The following TCF20 variants were observed in gnomAD, a reference collection of about 807,000 sequenced individuals.
TCF20 encodes SPRE-binding protein.
Under a neutral mutation model 148.6 loss-of-function variants are expected in TCF20, and 3 were observed. That is an observed-to-expected ratio of 0.02 (90% confidence interval 0.01 to 0.05). The LOEUF (loss-of-function observed/expected upper bound fraction) is 0.05, where lower values mean the gene tolerates loss of function less well. Among genes scored for constraint, TCF20 ranks in the 10% least tolerant of loss-of-function variants. The pLI, the probability that TCF20 is intolerant of heterozygous loss-of-function variation, is 1.00. For missense variants in TCF20, 2,350 were observed against 2,429.3 expected (o/e 0.97, Z 0.69); for synonymous variants, 1,049 against 909.5 (o/e 1.15, Z -2.76).
intron 1 of TCF20, among the ~76,000 whole-genome samples, chr22:42,260,069 G>A (rs1925946811): frequency 6.6e-6 from 1 of 152,214 alleles, no homozygotes. Flanking sequence ...GACAGGGAGG[G>A]TCAGAGAAAA....
chr22:42,285,504 C>A (rs1927012283), upstream of TCF20, among the ~76,000 whole-genome samples: 1 of 152,154 alleles, frequency 6.6e-6, no homozygotes, highest in African/African-American at 2.4e-5. The surrounding 1 kb of genome is among the most constrained non-coding windows in gnomAD (Gnocchi z 4.2). Context: ...GGTACAGAAT[C>A]CACAGGAGGC....
At chr22:42,215,781 T>C (rs1240625667) in intron 1 of TCF20, among the ~76,000 whole-genome samples, 12 of 152,110 alleles carry the variant, frequency 7.9e-5, no homozygotes, top group Admixed American at 7.2e-4. Context: ...TTGAATTTCA[T>C]CTTTTATATT....
chr22:42,310,630 T>TACAGAGGAGAGGACTGGCGTG (rs1927518034), intron 1 of TCF20, among the ~76,000 whole-genome samples: 2 of 152,076 alleles, frequency 1.3e-5, no homozygotes, highest in African/African-American at 4.8e-5. Flanking sequence ...ATGGCTGGAA[T>TACAGAGGAGAGGACTGGCGTG]ACAGTGGAGA....
chr22:42,233,232 A>G (rs1193408055), intron 1 of TCF20, among the ~76,000 whole-genome samples: 2 of 152,278 alleles, frequency 1.3e-5, no homozygotes, highest in Admixed American at 6.5e-5. Context: ...GCAATGCAAT[A>G]TATTATAGTC....
chr22:42,259,829 TA>T (rs1041951487), intron 1 of TCF20, among the ~76,000 whole-genome samples: 8 of 152,142 alleles, frequency 5.3e-5, no homozygotes, highest in African/African-American at 1.7e-4. Context: ...AAAAGGGAGA[TA>T]AACAAAAGGA....
rs182356045 is a variant in TCF20 at position 42,222,814 on chromosome 22, A to G, written c.-36-7473T>C. 1.2e-3 allele frequency among the ~76,000 whole-genome samples: 186 copies of G among 152,314 alleles called. 1 individual carries two copies. Among genetic ancestry groups the G allele is most frequent in the Non-Finnish European group, 2.1e-3 (141 of 68,024 alleles). ...TGCTTAGTAAAAACAAACCAATTAAAGTATTTACCTTTAACCAGTATCTAA... is the reference window on the plus strand; with the variant it reads ...TGCTTAGTAAAAACAAACCAATTAAGGTATTTACCTTTAACCAGTATCTAA... On this transcript the variant is annotated intron_variant, in intron 1 of 5. Transcript: ENST00000677622.
chr22:42,231,746 G>A lies in TCF20; in HGVS notation c.-36-16405C>T, dbSNP rs574711049. Among the ~76,000 whole-genome samples, 61 of 151,934 alleles carry A rather than the reference G, an allele frequency of 4.0e-4. No individual in the cohort carries two copies. In the South Asian group the frequency reaches 0.012, roughly 31 times the overall value. On this transcript the variant is annotated intron_variant, in intron 1 of 5. Transcript: ENST00000677622. ...AGATCAAGACCATCCTGGCTAATAC[G>A]GTGAAACCCCGTCTCTACTAAAAAT... is the stretch of plus-strand genomic sequence containing the variant.
intron 1 of TCF20, among the ~76,000 whole-genome samples, chr22:42,231,178 T>C (rs1000608408): frequency 4.6e-5 from 7 of 151,480 alleles, no homozygotes; most frequent in African/African-American, 1.7e-4. Flanking sequence ...TGATAATAAA[T>C]AGAAAAAAAA....
At chr22:42,191,884 C>A (rs1209329560) in intron 2 of TCF20, among the ~76,000 whole-genome samples, 1 of 152,162 alleles carries the variant, frequency 6.6e-6, no homozygotes, top group Non-Finnish European at 1.5e-5. Flanking sequence ...CCTGCGGCAG[C>A]CCTGTGATGA....
chr22:42,303,724 G>T (rs886924304), intron 1 of TCF20, among the ~76,000 whole-genome samples: 3 of 152,168 alleles, frequency 2.0e-5, no homozygotes, highest in Non-Finnish European at 2.9e-5. Context: ...TGGGTCTGCG[G>T]ATGGCAGGGG....
chr22:42,333,844 G>A (rs111357711), intron 1 of TCF20, among the ~76,000 whole-genome samples: 7 of 152,356 alleles, frequency 4.6e-5, no homozygotes, highest in African/African-American at 1.2e-4. Context: ...TTCCCTCTAG[G>A]AGGAGCACCG....
chr22:42,237,019 T>C (rs1198212197), intron 1 of TCF20, among the ~76,000 whole-genome samples: 2 of 152,042 alleles, frequency 1.3e-5, no homozygotes, highest in East Asian at 3.8e-4. Context: ...TGGTGGTTGC[T>C]GAAGGCTGAG....
chr22:42,343,520 C>T (rs907083689), exon 1 of TCF20: 1 of 147,620 alleles, frequency 6.8e-6, no homozygotes, highest in Non-Finnish European at 1.5e-5. Context: ...CAGGAGAGCC[C>T]GGGCAGCGGG....
chr22:42,289,044 C>T, intron 1 of TCF20, among the ~76,000 whole-genome samples: 1 of 152,202 alleles, frequency 6.6e-6, no homozygotes, highest in East Asian at 1.9e-4. Context: ...TTCAGTGCTT[C>T]CATCCAGTGA....
At chr22:42,162,847 A>G (rs765191709) in intron 5 of TCF20, among the ~76,000 whole-genome samples, 1 of 152,218 alleles carries the variant, frequency 6.6e-6, no homozygotes, top group Non-Finnish European at 1.5e-5. Context: ...ACGTACATGC[A>G]CATGCTCTTG....
intron 2 of TCF20, among the ~76,000 whole-genome samples, chr22:42,186,406 T>C (rs902164772): frequency 6.6e-6 from 1 of 152,246 alleles, no homozygotes; most frequent in Non-Finnish European, 1.5e-5. Flanking sequence ...TATGTAATTA[T>C]TAGAACTTTT....
chr22:42,183,306 T>C (rs1936870117), intron 2 of TCF20, among the ~76,000 whole-genome samples: 1 of 59,672 alleles, frequency 1.7e-5, no homozygotes, highest in African/African-American at 3.9e-5. Flanking sequence ...TGTGATCTTA[T>C]ATATACAAAA....
At chr22:42,327,285 G>C (rs1459176556) in intron 1 of TCF20, among the ~76,000 whole-genome samples, 1 of 152,216 alleles carries the variant, frequency 6.6e-6, no homozygotes, top group Non-Finnish European at 1.5e-5. Context: ...CAGGTGGGGA[G>C]AGGCCTCATG....
intron 1 of TCF20, among the ~76,000 whole-genome samples, chr22:42,324,507 C>A (rs1381152616): frequency 1.3e-5 from 2 of 152,012 alleles, no homozygotes; most frequent in African/African-American, 4.8e-5. Flanking sequence ...ATAATCTCCA[C>A]CATCCGATAA....
Sources: allele counts gnomAD v4.1 joint callset (sites outside exome capture counted in the v4.1 genomes callset), GRCh38; gene constraint gnomAD v4.1.1; non-coding constraint Gnocchi (gnomAD v3.1); transcripts MANE v1.5; gene names NCBI Gene and HGNC (gene_info 2026-07-23, HGNC 2026-07-21).